The following LEKR1 variants were observed in gnomAD, a reference collection of about 807,000 sequenced individuals.
LEKR1 encodes protein LEKR1.
Under a neutral mutation model 72.4 loss-of-function variants are expected in LEKR1, and 59 were observed. The observed-to-expected ratio is 0.82, with a 90% CI of 0.66 to 1.01. LEKR1 has a LOEUF of 1.01. Ranked by LOEUF, LEKR1 falls within the 50% of genes least tolerant of loss-of-function variation. The probability of loss-of-function intolerance (pLI) is 0.00; values close to 1 mark genes in which losing one functional copy is unlikely to be tolerated. For missense variants in LEKR1, 728 were observed against 759.2 expected (o/e 0.96, Z 0.48); for synonymous variants, 257 against 263.2 (o/e 0.98, Z 0.23).
intron 3 of LEKR1, among the ~76,000 whole-genome samples, chr3:156,892,012 C>T (rs1186265760): frequency 2.0e-5 from 3 of 151,746 alleles, no homozygotes; most frequent in African/African-American, 7.3e-5. Flanking sequence ...AGTTATAAGC[C>T]TACTATTAAA....
chr3:156,852,157 T>C (rs1715443495), intron 2 of LEKR1: 1 of 152,186 alleles, frequency 6.6e-6, no homozygotes, highest in African/African-American at 2.4e-5. Context: ...TTCAGTAGTC[T>C]CAGTTTTTTA....
chr3:156,932,946 C>T (rs563970954), intron 5 of LEKR1, among the ~76,000 whole-genome samples: 2 of 151,466 alleles, frequency 1.3e-5, no homozygotes, highest in South Asian at 2.1e-4. Flanking sequence ...AGCAGAATGG[C>T]GTGAACCCGG....
At chr3:156,972,449 T>A (rs1729300660) in intron 6 of LEKR1, among the ~76,000 whole-genome samples, 1 of 152,052 alleles carries the variant, frequency 6.6e-6, no homozygotes, top group African/African-American at 2.4e-5. Flanking sequence ...CACATGTAAC[T>A]AACCTGCACG....
chr3:156,987,567 A>G (rs1265922086), intron 7 of LEKR1, among the ~76,000 whole-genome samples: 1 of 152,246 alleles, frequency 6.6e-6, no homozygotes, highest in Non-Finnish European at 1.5e-5. Flanking sequence ...AAATACAAGG[A>G]TATACAAAAA....
At chr3:156,826,675 A>T (rs183221045) in intron 1 of LEKR1, 2 of 155,702 alleles carry the variant, frequency 1.3e-5, no homozygotes, top group African/African-American at 4.8e-5. Context: ...CTGCAGGTCC[A>T]GGGGGAACGG....
chr3:156,865,698 A>C (rs988006667), intron 3 of LEKR1, among the ~76,000 whole-genome samples: 1 of 151,914 alleles, frequency 6.6e-6, no homozygotes, highest in Non-Finnish European at 1.5e-5. Context: ...TCATAGGTTC[A>C]TGTTTTCTTT....
At chr3:156,925,439 T>G (rs1434532155) in intron 4 of LEKR1, among the ~76,000 whole-genome samples, 1 of 152,072 alleles carries the variant, frequency 6.6e-6, no homozygotes, top group East Asian at 1.9e-4. Context: ...CCTTTGGACT[T>G]CATACCTACT....
chr3:156,836,809 A>G (rs1161786034), intron 2 of LEKR1, among the ~76,000 whole-genome samples: 2 of 152,236 alleles, frequency 1.3e-5, no homozygotes, highest in Non-Finnish European at 2.9e-5. Flanking sequence ...AATAAATGGC[A>G]AAAGTCCCAC....
At chr3:156,998,862 A>G (rs1328621042) in intron 9 of LEKR1, among the ~76,000 whole-genome samples, 2 of 152,058 alleles carry the variant, frequency 1.3e-5, no homozygotes, top group African/African-American at 2.4e-5. Flanking sequence ...GTCAAAAGCT[A>G]TGAACCCTCA....
At chr3:157,008,223 C>G (rs1367690915) in intron 9 of LEKR1, among the ~76,000 whole-genome samples, 1 of 152,142 alleles carries the variant, frequency 6.6e-6, no homozygotes, top group East Asian at 1.9e-4. Context: ...TAGTTCACCT[C>G]TATATCTCCA....
intron 5 of LEKR1, among the ~76,000 whole-genome samples, chr3:156,941,319 C>CT (rs1443747474): frequency 6.6e-6 from 1 of 152,042 alleles, no homozygotes; most frequent in Non-Finnish European, 1.5e-5. Context: ...CCCAGACATG[C>CT]TTTCTACCCC....
At chr3:157,020,627 C>T (rs999352238) in intron 10 of LEKR1, among the ~76,000 whole-genome samples, 1 of 151,428 alleles carries the variant, frequency 6.6e-6, no homozygotes, top group African/African-American at 2.4e-5. Flanking sequence ...TTTATGGCTG[C>T]ATAGTATTCC....
At chr3:156,989,673 A>G (rs1355204104) in intron 7 of LEKR1, among the ~76,000 whole-genome samples, 3 of 152,146 alleles carry the variant, frequency 2.0e-5, no homozygotes, top group African/African-American at 4.8e-5. Context: ...CTTCAAACTT[A>G]CAAAAAGTTG....
intron 4 of LEKR1, among the ~76,000 whole-genome samples, chr3:156,926,677 TTTCA>T (rs1724746957): frequency 6.6e-6 from 1 of 152,008 alleles, no homozygotes; most frequent in Admixed American, 6.6e-5. Context: ...TTATTTACTC[TTTCA>T]TTCAATATTT....
At chr3:157,006,839 T>C (rs531276497) in intron 9 of LEKR1, among the ~76,000 whole-genome samples, 10 of 150,430 alleles carry the variant, frequency 6.6e-5, no homozygotes, top group South Asian at 4.4e-4. Context: ...ATCCCCAAAA[T>C]GCAGACGAAT....
chr3:156,861,312 G>T (rs1431640843), intron 3 of LEKR1, among the ~76,000 whole-genome samples: 2 of 151,934 alleles, frequency 1.3e-5, no homozygotes, highest in Non-Finnish European at 2.9e-5. Context: ...TTGTACTTTT[G>T]CAGCACTTTT....
chr3:156,999,257 A>T (rs1282123224), intron 9 of LEKR1, among the ~76,000 whole-genome samples: 2 of 152,086 alleles, frequency 1.3e-5, no homozygotes, highest in Non-Finnish European at 2.9e-5. Context: ...CAATACACTC[A>T]CTTCAGAAAA....
intron 2 of LEKR1, among the ~76,000 whole-genome samples, chr3:156,846,669 C>T (rs1306354196): frequency 1.3e-5 from 2 of 152,096 alleles, no homozygotes; most frequent in Admixed American, 6.5e-5. Flanking sequence ...GGGCATCTTA[C>T]TGAATGGAAA....
intron 6 of LEKR1, among the ~76,000 whole-genome samples, chr3:156,947,859 C>A (rs1726820847): frequency 6.6e-6 from 1 of 151,138 alleles, no homozygotes; most frequent in African/African-American, 2.4e-5. Context: ...TTTTTAAATA[C>A]ATATTTGCAG....
Sources: gnomAD v4.1 joint callset for allele counts (sites outside exome capture counted in the v4.1 genomes callset) on GRCh38, gnomAD v4.1.1 for gene constraint, MANE v1.5 for transcripts, NCBI Gene and HGNC (gene_info 2026-07-23, HGNC 2026-07-21) for gene names.